The following TACC1 variants were observed in gnomAD, a reference collection of about 807,000 sequenced individuals.
TACC1 encodes the protein transforming acidic coiled-coil containing protein 1, also known as transforming acidic coiled-coil-containing protein 1.
TACC1 carries 48 observed loss-of-function variants against 84.4 expected under a neutral mutation model. The observed-to-expected ratio is 0.57, with a 90% CI of 0.45 to 0.72. The LOEUF (loss-of-function observed/expected upper bound fraction) is 0.72, where lower values mean the gene tolerates loss of function less well. TACC1 is among the 30% of genes least tolerant of loss of function. The pLI, the probability that TACC1 is intolerant of heterozygous loss-of-function variation, is 0.00. For missense variants in TACC1, 920 were observed against 973.0 expected, an observed-to-expected ratio of 0.95 and a Z score of 0.72; for synonymous variants, 372 against 376.3, an observed-to-expected ratio of 0.99 and a Z score of 0.13.
intron 6 of TACC1, among the ~76,000 whole-genome samples, chr8:38,831,923 C>T (rs1318010248): frequency 3.3e-5 from 5 of 152,282 alleles, no homozygotes; most frequent in African/African-American, 1.2e-4. Context: ...TCTCCTCCCT[C>T]AGCCTCCTCA....
chr8:38,796,266 G>C (rs1468853243), intron 2 of TACC1, among the ~76,000 whole-genome samples: 3 of 152,176 alleles, frequency 2.0e-5, no homozygotes, highest in Non-Finnish European at 4.4e-5. Flanking sequence ...TTTGAATTCA[G>C]CTTTTAAGAT....
chr8:38,837,360 T>C (rs1588115344), intron 7 of TACC1, among the ~76,000 whole-genome samples: 1 of 151,764 alleles, frequency 6.6e-6, no homozygotes, highest in South Asian at 2.1e-4. Context: ...GAGACGAAGG[T>C]TGTGGTGAGC....
chr8:38,774,686 G>C (rs538838676), intron 3 of TACC1, among the ~76,000 whole-genome samples: 1 of 152,060 alleles, frequency 6.6e-6, no homozygotes, highest in South Asian at 2.1e-4. Flanking sequence ...TTTTTGAAGG[G>C]ATGGGGTCTC....
chr8:38,785,757 A>G (rs1817014158), upstream of TACC1: 1 of 980,484 alleles, frequency 1.0e-6, no homozygotes, highest in African/African-American at 1.8e-5. Flanking sequence ...ACCTAAAACT[A>G]CAACAGTTGG....
chr8:38,831,298 G>A, intron 6 of TACC1, 121 bp downstream of exon 6: 1 of 997,986 alleles, frequency 1.0e-6, no homozygotes, highest in Non-Finnish European at 1.5e-6. Flanking sequence ...ATGTAAATGA[G>A]ATAGTTTCTT....
At chr8:38,777,107 T>A (rs1268636064) in intron 3 of TACC1, among the ~76,000 whole-genome samples, 1 of 151,624 alleles carries the variant, frequency 6.6e-6, no homozygotes, top group African/African-American at 2.4e-5. Flanking sequence ...AATACAAAAA[T>A]CAGCTGGGTG....
chr8:38,840,204 G>A lies in TACC1; in HGVS notation c.1917-20G>A. On this transcript the variant is annotated intron_variant, in intron 8 of 12. Coordinates refer to ENST00000317827, the MANE Select transcript of TACC1 (RefSeq NM_006283.3). ...TCTGAAAATCCTCCTCTGGTAATAA[G>A]TTCTTTTTTTCTCATTTAGGAAAAT... 6.3e-7 allele frequency: 1 copy of A among 1,594,336 alleles called. No homozygotes were observed. The highest frequency in any genetic ancestry group is 8.6e-7 in the Non-Finnish European group (1 of 1,164,758).
At chr8:38,774,416 GGAATGAATGAAT>G (rs10599906) in intron 3 of TACC1, among the ~76,000 whole-genome samples, 11 of 151,388 alleles carry the variant, frequency 7.3e-5, no homozygotes, top group African/African-American at 2.4e-4. Flanking sequence ...TCAAATTTGT[GGAATGAATGAAT>G]GAATGAATGA....
intron 1 of TACC1, chr8:38,788,403 G>T: frequency 3.5e-6 from 1 of 283,144 alleles, no homozygotes; most frequent in Non-Finnish European, 6.8e-6. Flanking sequence ...AAAGGAGTCT[G>T]TTGGAAAAGC....
At chr8:38,759,543 G>A (rs1810796962) in intron 3 of TACC1, among the ~76,000 whole-genome samples, 1 of 152,148 alleles carries the variant, frequency 6.6e-6, no homozygotes, top group Non-Finnish European at 1.5e-5. Flanking sequence ...ATGCATAAAG[G>A]ATCTCTCTCT....
rs565836566 is a variant in TACC1 at position 38,751,451 on chromosome 8, A to G, written c.26+5958A>G. ...GGTATGTTTAACCTTACTTTGCTTC[A>G]TCTTGCTCATTTGTACAAGCACTGC... On this transcript the variant is annotated intron_variant, in intron 3 of 14. Coordinates refer to the TACC1 transcript ENST00000518415. Among the ~76,000 whole-genome samples, 12 of 152,308 alleles carry G rather than the reference A, an allele frequency of 7.9e-5. No individual in the cohort carries two copies. In the South Asian group the frequency reaches 1.9e-3, roughly 24 times the overall value.
intron 3 of TACC1, among the ~76,000 whole-genome samples, chr8:38,822,810 G>C (rs115502326): frequency 1.1e-4 from 17 of 152,090 alleles, no homozygotes; most frequent in Admixed American, 7.2e-4. Flanking sequence ...ACTCAGGATC[G>C]TCAGGACATC....
chr8:38,820,770 C>G, intron 3 of TACC1, 135 bp downstream of exon 3: 1 of 1,219,500 alleles, frequency 8.2e-7, no homozygotes, highest in East Asian at 2.4e-5. Flanking sequence ...ATAATGTTAT[C>G]CTGCAGTCTT....
At chr8:38,752,539 C>A (rs181196460) in intron 3 of TACC1, among the ~76,000 whole-genome samples, 24 of 152,194 alleles carry the variant, frequency 1.6e-4, no homozygotes, top group Middle Eastern at 3.4e-3. Flanking sequence ...AAAAAACCTT[C>A]TTGACCGAAT....
At chr8:38,745,437 A>T (rs1353132296) in exon 3 of TACC1, 1 of 668,000 alleles carries the variant, frequency 1.5e-6, no homozygotes. Flanking sequence ...ACGTAGTCTT[A>T]AGAGAAAAGT....
chr8:38,753,900 T>C (rs1809473780), intron 3 of TACC1, among the ~76,000 whole-genome samples: 1 of 138,256 alleles, frequency 7.2e-6, no homozygotes, highest in African/African-American at 2.7e-5. Context: ...CTTTCCTCTT[T>C]TTCTTTTTCT....
At position 38,745,537 on chromosome 8, in the gene TACC1, T is replaced by TGTA; in HGVS notation, c.26+44_26+45insGTA. Reference sequence around the variant, plus strand: ...GTTTTCTTGTTTTTTTTCTGTTTGTTTGTTTGTTTTTGTTTTTGTTTTTTG... The same window carrying TGTA: ...GTTTTCTTGTTTTTTTTCTGTTTGTTGTATGTTTGTTTTTGTTTTTGTTTTTTG... On this transcript the variant is annotated intron_variant, in intron 3 of 14. Coordinates refer to the TACC1 transcript ENST00000518415. 4.4e-6 allele frequency: 3 copies of TGTA among 677,800 alleles called. No homozygotes were observed. The South Asian group carries it at 4.8e-5, about 11-fold the overall frequency. 42.0% of individuals were successfully genotyped at this position (677,800 alleles called of 1,614,324 possible).
At chr8:38,818,398 G>A (rs1825914070) in intron 2 of TACC1, among the ~76,000 whole-genome samples, 1 of 152,136 alleles carries the variant, frequency 6.6e-6, no homozygotes, top group South Asian at 2.1e-4. Context: ...TCTTGTTTCA[G>A]ATATCTACGT....
chr8:38,786,482 G>A (rs1203297083), upstream of TACC1, among the ~76,000 whole-genome samples: 3 of 152,124 alleles, frequency 2.0e-5, no homozygotes, highest in Non-Finnish European at 4.4e-5. Context: ...CGGGAGGATC[G>A]CTTGTGGCCA....
Sources: gnomAD v4.1 joint callset for allele counts (sites outside exome capture counted in the v4.1 genomes callset) on GRCh38, gnomAD v4.1.1 for gene constraint, MANE v1.5 for transcripts, NCBI Gene and HGNC (gene_info 2026-07-23, HGNC 2026-07-21) for gene names.